ATF7IP2: variants seen among roughly 807,000 people sequenced by gnomAD.
The protein encoded by ATF7IP2 is activating transcription factor 7 interacting protein 2.
A neutral mutation model predicts 64.2 loss-of-function variants in ATF7IP2; 42 were observed. The ratio of observed to expected loss-of-function variants is 0.65; its 90% CI spans 0.51 to 0.85. ATF7IP2 has a LOEUF of 0.85. ATF7IP2 is among the 40% of genes least tolerant of loss of function. The pLI, the probability that ATF7IP2 is intolerant of heterozygous loss-of-function variation, is 0.00. For missense variants in ATF7IP2, 933 were observed against 784.2 expected, an observed-to-expected ratio of 1.19 and a Z score of -2.27; for synonymous variants, 308 against 272.8, an observed-to-expected ratio of 1.13 and a Z score of -1.27.
rs770683200 is a variant in ATF7IP2 at position 10,457,430 on chromosome 16, T to A, written c.1253T>A (p.Ile418Asn). ...DKNLESVNSP[I>N]EKSSVNYEPS... ...AATCTTGAGTCAGTTAATAGTCCAATTGAAAAGTCTTCTGTGAATTATGAG... is the reference window on the plus strand; with the variant it reads ...AATCTTGAGTCAGTTAATAGTCCAAATGAAAAGTCTTCTGTGAATTATGAG... The change falls in exon 9 of 14, where the codon ATT becomes AAT. Residue 418 changes from isoleucine to asparagine, a missense_variant. Coordinates refer to ENST00000562102, the MANE Select transcript of ATF7IP2 (RefSeq NM_001393719.1). The A allele has an allele frequency of 1.2e-6, 2 of 1,607,786 alleles. No homozygotes were observed. Among genetic ancestry groups the A allele is most frequent in the African/African-American group, 2.7e-5 (2 of 74,688 alleles).
At chr16:10,420,086 C>A (rs1260088040) in intron 3 of ATF7IP2, among the ~76,000 whole-genome samples, 1 of 152,182 alleles carries the variant, frequency 6.6e-6, no homozygotes, top group Non-Finnish European at 1.5e-5. Flanking sequence ...ATTCATTCCA[C>A]AATGGGTTGT....
chr16:10,436,903 CA>C (rs60707024), intron 6 of ATF7IP2, among the ~76,000 whole-genome samples: 16 of 144,244 alleles, frequency 1.1e-4, no homozygotes, highest in South Asian at 4.4e-4. Flanking sequence ...AGTCTGTTTT[CA>C]AAAAAAAAAG....
intron 9 of ATF7IP2, among the ~76,000 whole-genome samples, chr16:10,470,552 G>A (rs2049754729): frequency 6.6e-6 from 1 of 151,980 alleles, no homozygotes; most frequent in South Asian, 2.1e-4. Context: ...GGGAGGCCAG[G>A]GCAGGAGGAT....
intron 5 of ATF7IP2, among the ~76,000 whole-genome samples, chr16:10,433,051 C>A (rs939278093): frequency 6.6e-5 from 10 of 151,972 alleles, no homozygotes; most frequent in African/African-American, 2.2e-4. Context: ...TAAGATAACT[C>A]ATTTTTTTTC....
At chr16:10,420,869 C>T (rs1490180732) in intron 3 of ATF7IP2, among the ~76,000 whole-genome samples, 1 of 152,298 alleles carries the variant, frequency 6.6e-6, no homozygotes, top group African/African-American at 2.4e-5. Context: ...AATACTTTAC[C>T]TTTCAAGCCA....
intron 1 of ATF7IP2, among the ~76,000 whole-genome samples, chr16:10,394,453 ACT>A (rs2141747492): frequency 6.6e-6 from 1 of 152,340 alleles, no homozygotes; most frequent in East Asian, 1.9e-4. Flanking sequence ...TCAATACAAC[ACT>A]GTCATAATGG....
At chr16:10,463,271 A>G (rs1210518360) in intron 9 of ATF7IP2, among the ~76,000 whole-genome samples, 1 of 152,238 alleles carries the variant, frequency 6.6e-6, no homozygotes, top group African/African-American at 2.4e-5. Context: ...TACTCTGGAA[A>G]GCAGCAGAGA....
rs773507441 is a variant in ATF7IP2, at chr16:10,389,849, C to T, written c.-242+3727C>T. Among the ~76,000 whole-genome samples the T allele has an allele frequency of 2.3e-4, 35 of 152,184 alleles. 1 individual carries two copies. Among genetic ancestry groups the T allele is most frequent in the Non-Finnish European group, 1.2e-4 (8 of 68,032 alleles). Reference sequence around the variant, plus strand: ...GGTCTATGAACCACACTTGGCATTACTTCATGGTCATTATGAGATTAACTG... The same window carrying T: ...GGTCTATGAACCACACTTGGCATTATTTCATGGTCATTATGAGATTAACTG... On this transcript the variant is annotated intron_variant, in intron 1 of 13. Transcript: ENST00000562102.
chr16:10,390,653 G>T (rs1301540614), intron 1 of ATF7IP2, among the ~76,000 whole-genome samples: 1 of 152,098 alleles, frequency 6.6e-6, no homozygotes, highest in Non-Finnish European at 1.5e-5. Flanking sequence ...GCCAGCCATG[G>T]AGGGACACAC....
chr16:10,472,228 C>A, intron 10 of ATF7IP2, 45 bp downstream of exon 10: 1 of 977,544 alleles, frequency 1.0e-6, no homozygotes, highest in South Asian at 2.0e-5. Flanking sequence ...GTTAGAAGGC[C>A]TTAAATCAAT....
At chr16:10,436,511 C>T (rs1194816475) in intron 6 of ATF7IP2, among the ~76,000 whole-genome samples, 1 of 151,696 alleles carries the variant, frequency 6.6e-6, no homozygotes, top group Non-Finnish European at 1.5e-5. Flanking sequence ...GTTAGTGAAG[C>T]ATTAGAGAAG....
Position 10,453,766 on chromosome 16 carries a change from C to T in ATF7IP2, c.1195-3606C>T, listed in dbSNP as rs1043004803. Among the ~76,000 whole-genome samples the T allele has an allele frequency of 9.9e-5, 15 of 152,100 alleles. No homozygotes were observed. In the East Asian group the frequency reaches 1.9e-3, roughly 20 times the overall value. ...CCGAGTAGCTGGGATTACAGTCATG[C>T]GCCACCACACCTGGCTAATTTTGTA... is the stretch of plus-strand genomic sequence containing the variant. On this transcript the variant is annotated intron_variant, in intron 8 of 13. Transcript: ENST00000562102.
At chr16:10,466,253 A>G (rs1188458561) in intron 9 of ATF7IP2, among the ~76,000 whole-genome samples, 3 of 152,206 alleles carry the variant, frequency 2.0e-5, no homozygotes, top group African/African-American at 7.2e-5. Context: ...TGAATGTGCT[A>G]CAATTAATCT....
chr16:10,459,404 C>A (rs1334831622), intron 9 of ATF7IP2, among the ~76,000 whole-genome samples: 2 of 150,468 alleles, frequency 1.3e-5, no homozygotes, highest in Non-Finnish European at 3.0e-5. Context: ...GGAGGCGGAG[C>A]TTGCAGTGAG....
Position 10,473,932 on chromosome 16 carries a change from A to G in ATF7IP2, c.1492A>G (p.Lys498Glu). ...SPNAEVMAVQKKLDSIIDLTK... is the reference protein window; with the variant it reads ...SPNAEVMAVQEKLDSIIDLTK... Reference sequence around the variant, plus strand: ...TTTACAATTTTTTTAGGCTGTACAGAAGAAACTTGATTCTATAATTGATTT... The same window carrying G: ...TTTACAATTTTTTTAGGCTGTACAGGAGAAACTTGATTCTATAATTGATTT... The change falls in exon 12 of 14, where the codon AAG becomes GAG. Residue 498 changes from lysine (K) to glutamate (E), a missense_variant. Lys to Glu is a moderately conservative substitution (Grantham distance 56, BLOSUM62 1). Coordinates refer to ENST00000562102, the MANE Select transcript of ATF7IP2 (RefSeq NM_001393719.1). The G allele has an allele frequency of 6.6e-7, 1 of 1,514,626 alleles. No homozygotes were observed. The highest frequency in any genetic ancestry group is 9.0e-7 in the Non-Finnish European group (1 of 1,110,152). The allele number at this position is 1,514,626 out of a possible 1,614,324, so 93.8% of individuals were successfully genotyped here. A position where few individuals can be genotyped will look rare whatever the true frequency, so the allele number is the denominator to read the frequency against.
At position 10,440,409 on chromosome 16, in the gene ATF7IP2, T is replaced by C; in HGVS notation, c.1141T>C (p.Phe381Leu). ...AAGACGTATTAAAACAGTATTATTA[T>C]TTCAAAGGAATTGTTTGAAACCAAA... Reference protein sequence around the residue: ...LQRRIKTVLLFQRNCLKPNML... With the variant: ...LQRRIKTVLLLQRNCLKPNML... The change falls in exon 8 of 14, where the codon TTT (phenylalanine) becomes CTT (leucine). Residue 381 changes from phenylalanine to leucine, a missense_variant. Transcript: ENST00000562102. The C allele has an allele frequency of 6.4e-7, 1 of 1,569,760 alleles. No individual in the cohort carries two copies. The highest frequency in any genetic ancestry group is 8.6e-7 in the Non-Finnish European group (1 of 1,164,814).
At chr16:10,418,135 T>A (rs1274513931) in intron 2 of ATF7IP2, among the ~76,000 whole-genome samples, 1 of 152,216 alleles carries the variant, frequency 6.6e-6, no homozygotes, top group African/African-American at 2.4e-5. Flanking sequence ...AGAGTATAGA[T>A]TAACTAAAAT....
intron 2 of ATF7IP2, among the ~76,000 whole-genome samples, chr16:10,418,050 C>T (rs1280481671): frequency 6.6e-6 from 1 of 152,150 alleles, no homozygotes; most frequent in Non-Finnish European, 1.5e-5. Context: ...TGACAGCCTT[C>T]AAAGCTGAAA....
chr16:10,417,761 C>T (rs760150967), intron 2 of ATF7IP2, among the ~76,000 whole-genome samples: 9 of 152,154 alleles, frequency 5.9e-5, no homozygotes, highest in African/African-American at 1.9e-4. Context: ...CTTAACACAT[C>T]CTGAATTCCA....
Sources: allele counts gnomAD v4.1 joint callset (sites outside exome capture counted in the v4.1 genomes callset), GRCh38; gene constraint gnomAD v4.1.1; transcripts MANE v1.5; gene names NCBI Gene and HGNC (gene_info 2026-07-23, HGNC 2026-07-21).